The following TENM2 variants were observed in gnomAD, a reference collection of about 807,000 sequenced individuals.
TENM2 encodes the protein teneurin transmembrane protein 2, also known as teneurin-2.
In TENM2, 52 loss-of-function variants were observed where a neutral mutation model predicts 245.2. The observed-to-expected ratio is 0.21, with a 90% CI of 0.17 to 0.27. The LOEUF (loss-of-function observed/expected upper bound fraction) is 0.27. TENM2 is among the 10% of genes least tolerant of loss of function. The probability of loss-of-function intolerance (pLI) is 1.00; values close to 1 mark genes in which losing one functional copy is unlikely to be tolerated. For missense variants in TENM2, 3,046 were observed against 3,666.8 expected (o/e 0.83, Z 4.37); for synonymous variants, 1,363 against 1,438.9 (o/e 0.95, Z 1.19).
chr5:167,102,303 G>T, the TENM2 span, among the ~76,000 whole-genome samples: 1 of 151,844 alleles, frequency 6.6e-6, no homozygotes, highest in South Asian at 2.1e-4. Context: ...AGCAAAAGAG[G>T]GTCAACAAGA....
intron 12 of TENM2, among the ~76,000 whole-genome samples, chr5:168,145,561 C>G (rs1377449202): frequency 0.028 from 4,128 of 148,710 alleles, 191 homozygotes; most frequent in African/African-American, 0.094. Flanking sequence ...GGTACCAGTA[C>G]CATGCTGTTT....
intron 2 of TENM2, among the ~76,000 whole-genome samples, chr5:167,819,134 T>C (rs1275706770): frequency 6.6e-6 from 1 of 152,086 alleles, no homozygotes; most frequent in Non-Finnish European, 1.5e-5. Flanking sequence ...CTGAGGGAAG[T>C]CCTGCTTCTT....
At chr5:167,943,004 G>A (rs928686844) in intron 3 of TENM2, among the ~76,000 whole-genome samples, 7 of 152,164 alleles carry the variant, frequency 4.6e-5, no homozygotes, top group Non-Finnish European at 8.8e-5. Context: ...TATCTCCAGC[G>A]ATATGTCTTT....
At chr5:167,874,280 G>GT (rs765969546) in intron 2 of TENM2, among the ~76,000 whole-genome samples, 1 of 152,166 alleles carries the variant, frequency 6.6e-6, no homozygotes, top group East Asian at 1.9e-4. Flanking sequence ...GGCAGGGGTG[G>GT]TGTCTTACTT....
At chr5:167,895,148 A>AGAGGCTT (rs1179079720) in intron 3 of TENM2, among the ~76,000 whole-genome samples, 1 of 152,158 alleles carries the variant, frequency 6.6e-6, no homozygotes, top group Non-Finnish European at 1.5e-5. Context: ...CTATTAGAAT[A>AGAGGCTT]GAGGCTTTAC....
At chr5:168,134,473 G>A (rs893558284) in intron 12 of TENM2, among the ~76,000 whole-genome samples, 2 of 152,110 alleles carry the variant, frequency 1.3e-5, no homozygotes, top group East Asian at 1.9e-4. Context: ...ATCGCCTGAG[G>A]TCAGGAGTTC....
intron 5 of TENM2, among the ~76,000 whole-genome samples, chr5:168,037,360 A>G (rs1028171778): frequency 1.3e-5 from 2 of 152,166 alleles, no homozygotes; most frequent in South Asian, 4.2e-4. Flanking sequence ...CTCCTGAAAA[A>G]GTACCAAGTT....
At chr5:167,088,542 G>A in the TENM2 span, among the ~76,000 whole-genome samples, 2 of 151,884 alleles carry the variant, frequency 1.3e-5, no homozygotes, top group Admixed American at 6.6e-5. Flanking sequence ...CAGGAGACTC[G>A]CTTGAACCTG....
At chr5:167,948,193 A>G (rs567118750) in intron 3 of TENM2, among the ~76,000 whole-genome samples, 3 of 152,332 alleles carry the variant, frequency 2.0e-5, no homozygotes, top group South Asian at 4.1e-4. Context: ...TGATATGCCA[A>G]GGTTTTTCAC....
At chr5:167,171,535 A>C in the TENM2 span, among the ~76,000 whole-genome samples, 2 of 152,286 alleles carry the variant, frequency 1.3e-5, no homozygotes, top group South Asian at 4.1e-4. Flanking sequence ...GTGGTGAACT[A>C]CCCAGGGATG....
intron 2 of TENM2, among the ~76,000 whole-genome samples, chr5:167,773,521 T>A (rs1763538048): frequency 1.3e-5 from 2 of 152,160 alleles, no homozygotes; most frequent in Admixed American, 1.3e-4. Context: ...TGAGAATTCT[T>A]AGTGTCCCTG....
At chr5:167,654,604 T>A (rs970695697) in intron 2 of TENM2, among the ~76,000 whole-genome samples, 1 of 151,722 alleles carries the variant, frequency 6.6e-6, no homozygotes, top group African/African-American at 2.4e-5. Flanking sequence ...TTTTTTTTTT[T>A]ACATTTACTT....
intron 6 of TENM2, among the ~76,000 whole-genome samples, chr5:168,050,018 G>A (rs1788939057): frequency 1.3e-5 from 2 of 152,110 alleles, no homozygotes; most frequent in Admixed American, 1.3e-4. Context: ...GCCCAGGCTG[G>A]TTGCAAACTC....
chr5:168,003,481 A>C (rs1245457683), intron 5 of TENM2, among the ~76,000 whole-genome samples: 1 of 152,190 alleles, frequency 6.6e-6, no homozygotes, highest in Non-Finnish European at 1.5e-5. Flanking sequence ...TAGAAGCATT[A>C]ACTAGCAAGA....
chr5:167,514,252 T>C (rs1770159604), intron 2 of TENM2, among the ~76,000 whole-genome samples: 1 of 152,154 alleles, frequency 6.6e-6, no homozygotes, highest in Non-Finnish European at 1.5e-5. Context: ...ATTTTGCCCT[T>C]AAGGAGCCAA....
intron 2 of TENM2, among the ~76,000 whole-genome samples, chr5:167,497,157 C>T (rs1256590789): frequency 1.3e-5 from 2 of 151,930 alleles, no homozygotes; most frequent in Non-Finnish European, 2.9e-5. Flanking sequence ...AAAACTTCCC[C>T]AGGTGAAGAA....
intron 6 of TENM2, among the ~76,000 whole-genome samples, chr5:168,054,475 G>A (rs1050698217): frequency 6.6e-6 from 1 of 152,206 alleles, no homozygotes; most frequent in African/African-American, 2.4e-5. Context: ...AATTTTATTT[G>A]CAATAGATAA....
chr5:167,551,119 C>G (rs1772912654), intron 2 of TENM2, among the ~76,000 whole-genome samples: 1 of 152,150 alleles, frequency 6.6e-6, no homozygotes, highest in South Asian at 2.1e-4. Flanking sequence ...TAAATATAAT[C>G]AAAATTACTT....
the TENM2 span, among the ~76,000 whole-genome samples, chr5:167,220,376 C>T: frequency 6.6e-6 from 1 of 152,112 alleles, no homozygotes; most frequent in African/African-American, 2.4e-5. Flanking sequence ...AAGCTAAGAA[C>T]CCAACTTGTG....
Sources: gnomAD v4.1 joint callset for allele counts (sites outside exome capture counted in the v4.1 genomes callset) on GRCh38, gnomAD v4.1.1 for gene constraint, MANE v1.5 for transcripts, NCBI Gene and HGNC (gene_info 2026-07-23, HGNC 2026-07-21) for gene names.